B3GALT1: variants seen among roughly 807,000 people sequenced by gnomAD.
B3GALT1 encodes the protein UDP-Gal:betaGlcNAc beta 1,3-galactosyltransferase, polypeptide 1.
A neutral mutation model predicts 23.2 loss-of-function variants in B3GALT1; 10 were observed. The observed-to-expected ratio is 0.43, with a 90% confidence interval of 0.27 to 0.73. The LOEUF (loss-of-function observed/expected upper bound fraction) is 0.73, where lower values mean the gene tolerates loss of function less well. Ranked by LOEUF, B3GALT1 falls within the 30% of genes least tolerant of loss-of-function variation. B3GALT1 has a pLI of 0.21. For missense variants in B3GALT1, 299 were observed against 405.4 expected (o/e 0.74, Z 2.25); for synonymous variants, 156 against 141.5 (o/e 1.10, Z -0.73).
chr2:167,793,459 C>T (rs929438815), intron 3 of B3GALT1, among the ~76,000 whole-genome samples: 5 of 152,172 alleles, frequency 3.3e-5, no homozygotes, highest in Admixed American at 3.3e-4. Context: ...GAACAAAATG[C>T]TGTTATTACT....
At chr2:167,343,999 G>A (rs1447403976) in intron 1 of B3GALT1, among the ~76,000 whole-genome samples, 2 of 152,158 alleles carry the variant, frequency 1.3e-5, no homozygotes, top group Non-Finnish European at 2.9e-5. Context: ...GAAAGAAAAG[G>A]GAGAAGGGAG....
intron 3 of B3GALT1, among the ~76,000 whole-genome samples, chr2:167,663,349 C>G (rs1686106424): frequency 1.3e-5 from 2 of 151,818 alleles, no homozygotes; most frequent in Non-Finnish European, 2.9e-5. Context: ...TTTTCTTAAT[C>G]CGGTCTATCA....
chr2:167,522,526 C>T (rs1700205658), intron 2 of B3GALT1, among the ~76,000 whole-genome samples: 1 of 152,102 alleles, frequency 6.6e-6, no homozygotes, highest in Non-Finnish European at 1.5e-5. Context: ...AAAGTCTCTG[C>T]TTCCATGTTG....
At chr2:167,339,074 C>T (rs1004104026) in intron 1 of B3GALT1, among the ~76,000 whole-genome samples, 3 of 152,084 alleles carry the variant, frequency 2.0e-5, no homozygotes, top group Non-Finnish European at 4.4e-5. Context: ...TAAAGATATG[C>T]TATACTTTGC....
chr2:167,659,228 G>A lies in B3GALT1; in HGVS notation c.-352+12262G>A, dbSNP rs112550012. ...TTAATTAGAAAAGCATCTTGAGCTAGTTCCATGTGTTTTTTTTTTGGTGGT... is the reference window on the plus strand; with the variant it reads ...TTAATTAGAAAAGCATCTTGAGCTAATTCCATGTGTTTTTTTTTTGGTGGT... On this transcript the variant is annotated intron_variant, in intron 3 of 4. Coordinates refer to ENST00000392690, the MANE Select transcript of B3GALT1 (RefSeq NM_020981.4). 2.2e-5 allele frequency among the ~76,000 whole-genome samples: 3 copies of A among 135,394 alleles called. 1 individual carries two copies. Among genetic ancestry groups the A allele is most frequent in the African/African-American group, 7.4e-5 (3 of 40,364 alleles). The allele number at this position is 135,394 out of a possible 152,430, so 88.8% of individuals were successfully genotyped here.
chr2:167,758,569 G>A (rs1040135577), intron 3 of B3GALT1, among the ~76,000 whole-genome samples: 2 of 152,038 alleles, frequency 1.3e-5, no homozygotes, highest in African/African-American at 4.8e-5. Flanking sequence ...CTTTGACATT[G>A]CTGCCTCCGA....
chr2:167,868,512 T>G (rs1455265689), intron 4 of B3GALT1, among the ~76,000 whole-genome samples: 4 of 149,188 alleles, frequency 2.7e-5, no homozygotes, highest in African/African-American at 9.9e-5. Flanking sequence ...AAAAAATACG[T>G]CATGTGAAGA....
chr2:167,304,215 G>A (rs561182440), intron 1 of B3GALT1, among the ~76,000 whole-genome samples: 6 of 152,330 alleles, frequency 3.9e-5, no homozygotes, highest in African/African-American at 1.4e-4. Context: ...CATGGGAGAA[G>A]AAGAAGCTCT....
In B3GALT1 at chr2:167,591,586, C is replaced by A. The variant is rs534427091; in HGVS notation, c.-409-55323C>A. ...CTGGGCTCGAGCAATCCTCCCACCT[C>A]AGCCTTCGGAGTAGCTGGAACTACA... On this transcript the variant is annotated intron_variant, in intron 2 of 4. Coordinates refer to ENST00000392690, the MANE Select transcript of B3GALT1 (RefSeq NM_020981.4). Among the ~76,000 whole-genome samples the A allele has an allele frequency of 1.6e-4, 24 of 152,296 alleles. No homozygotes were observed. In the East Asian group the frequency reaches 4.2e-3, roughly 27 times the overall value.
At chr2:167,589,393 A>G (rs1356832829) in intron 2 of B3GALT1, among the ~76,000 whole-genome samples, 1 of 152,064 alleles carries the variant, frequency 6.6e-6, no homozygotes, top group East Asian at 1.9e-4. Context: ...TATTTTTAGG[A>G]CAGCCCTACT....
chr2:167,802,153 G>C (rs142907568), intron 3 of B3GALT1, among the ~76,000 whole-genome samples: 5 of 152,344 alleles, frequency 3.3e-5, no homozygotes, highest in African/African-American at 1.2e-4. Flanking sequence ...GTGATATTGA[G>C]ATGACAACTT....
At chr2:167,355,076 G>A (rs1697379680) in intron 1 of B3GALT1, among the ~76,000 whole-genome samples, 1 of 152,192 alleles carries the variant, frequency 6.6e-6, no homozygotes, top group African/African-American at 2.4e-5. Context: ...ACCAACAAAA[G>A]CAGCATGCCT....
chr2:167,820,755 G>A (rs895875117), intron 4 of B3GALT1, among the ~76,000 whole-genome samples: 1 of 152,208 alleles, frequency 6.6e-6, no homozygotes. Context: ...GACAAAAAGC[G>A]TTAAGCTTCG....
intron 4 of B3GALT1, among the ~76,000 whole-genome samples, chr2:167,868,511 G>A (rs836702): frequency 9.4e-5 from 14 of 149,556 alleles, no homozygotes; most frequent in African/African-American, 1.5e-4. Flanking sequence ...AAAAAAATAC[G>A]TCATGTGAAG....
intron 2 of B3GALT1, among the ~76,000 whole-genome samples, chr2:167,491,676 G>A (rs148955554): frequency 2.0e-5 from 3 of 151,780 alleles, no homozygotes; most frequent in East Asian, 1.9e-4. Flanking sequence ...TTACCCAGGC[G>A]TGGTGGCGGG....
intron 1 of B3GALT1, among the ~76,000 whole-genome samples, chr2:167,346,572 A>G (rs550537339): frequency 2.6e-5 from 4 of 152,346 alleles, no homozygotes; most frequent in Admixed American, 2.0e-4. Context: ...TATTTGTACA[A>G]TGCCAAGGCT....
chr2:167,736,267 T>C (rs1343787659), intron 3 of B3GALT1, among the ~76,000 whole-genome samples: 1 of 151,126 alleles, frequency 6.6e-6, no homozygotes, highest in East Asian at 2.0e-4. Flanking sequence ...GACATGTCTG[T>C]AATGATATTA....
chr2:167,616,994 G>A (rs1685172478), intron 2 of B3GALT1, among the ~76,000 whole-genome samples: 1 of 152,048 alleles, frequency 6.6e-6, no homozygotes, highest in African/African-American at 2.4e-5. Context: ...CCAAACAATG[G>A]TCTATTATAA....
Position 167,784,632 on chromosome 2 carries a change from G to A in B3GALT1, c.-351-34040G>A, listed in dbSNP as rs554067567. Reference sequence around the variant, plus strand: ...AACAACCCAAATGCTCAACAATTAGGGGGTTATTAAGCAAACTTTAGAACT... The same window carrying A: ...AACAACCCAAATGCTCAACAATTAGAGGGTTATTAAGCAAACTTTAGAACT... On this transcript the variant is annotated intron_variant, in intron 3 of 4. Transcript: ENST00000392690. Among the ~76,000 whole-genome samples the A allele has an allele frequency of 4.5e-4, 68 of 152,252 alleles. 1 individual carries two copies. Among genetic ancestry groups the A allele is most frequent in the Middle Eastern group, 3.4e-3 (1 of 294 alleles).
Sources: gnomAD v4.1 joint callset for allele counts (sites outside exome capture counted in the v4.1 genomes callset) on GRCh38, gnomAD v4.1.1 for gene constraint, MANE v1.5 for transcripts, NCBI Gene and HGNC (gene_info 2026-07-23, HGNC 2026-07-21) for gene names.